Variants in SORCS3 observed in about 807,000 individuals in gnomAD.
The protein encoded by SORCS3 is VPS10 domain-containing receptor SorCS3.
Under a neutral mutation model 146.3 loss-of-function variants are expected in SORCS3, and 57 were observed. The ratio of observed to expected loss-of-function variants is 0.39; its 90% CI spans 0.31 to 0.49. The LOEUF is 0.49. Among genes scored for constraint, SORCS3 ranks in the 20% least tolerant of loss-of-function variants. The probability of loss-of-function intolerance (pLI) is 0.92; values close to 1 mark genes in which losing one functional copy is unlikely to be tolerated. For missense variants in SORCS3, 1,341 were observed against 1,575.5 expected (o/e 0.85, Z 2.52); for synonymous variants, 653 against 618.5 (o/e 1.06, Z -0.83).
intron 2 of SORCS3, among the ~76,000 whole-genome samples, chr10:104,892,509 G>A (rs1053376137): frequency 2.0e-5 from 3 of 152,110 alleles, no homozygotes; most frequent in Admixed American, 6.5e-5. Context: ...ATCACCTGAG[G>A]TCAGGAGTTG....
chr10:104,826,588 A>G (rs1751741485), intron 1 of SORCS3, among the ~76,000 whole-genome samples: 1 of 152,244 alleles, frequency 6.6e-6, no homozygotes, highest in African/African-American at 2.4e-5. Context: ...TAAAAATACT[A>G]ATGATTACCC....
rs71482443 is a variant in SORCS3 at position 105,016,155 on chromosome 10, A to ATATTTT, written c.955-26899_955-26898insATTTTT. ...TATAAATATATATATATATATATAT[A>ATATTTT]TTTTTTTTTTTTTTTGAGATGGAGT... On this transcript the variant is annotated intron_variant, in intron 4 of 26. Coordinates refer to ENST00000369701, the MANE Select transcript of SORCS3 (RefSeq NM_014978.3). Among the ~76,000 whole-genome samples the ATATTTT allele has an allele frequency of 2.2e-3, 221 of 101,316 alleles. 4 individuals are homozygous for ATATTTT. The highest frequency in any genetic ancestry group is 7.8e-3 in the South Asian group (23 of 2,958). 66.5% of individuals were successfully genotyped at this position (101,316 alleles called of 152,430 possible).
chr10:104,806,739 T>C lies in SORCS3; in HGVS notation c.628-36053T>C, dbSNP rs367562314. The stretch of plus-strand genomic sequence containing the variant: ...AATGGTATATGTACTTGATCCTAAC[T>C]CTGTACAAAGGTCTACATTTTGTCC... On this transcript the variant is annotated intron_variant, in intron 1 of 26. Transcript: ENST00000369701. Among the ~76,000 whole-genome samples the C allele has an allele frequency of 1.1e-4, 16 of 152,348 alleles. No homozygotes were observed. In the East Asian group the frequency reaches 2.3e-3, roughly 22 times the overall value.
At chr10:104,697,858 C>A (rs2016234886) in intron 1 of SORCS3, among the ~76,000 whole-genome samples, 1 of 152,134 alleles carries the variant, frequency 6.6e-6, no homozygotes, top group Non-Finnish European at 1.5e-5. Flanking sequence ...GATCCACAGA[C>A]CCATTAATGC....
intron 3 of SORCS3, among the ~76,000 whole-genome samples, chr10:104,953,764 T>C (rs2019458566): frequency 6.6e-6 from 1 of 152,214 alleles, no homozygotes; most frequent in Non-Finnish European, 1.5e-5. Context: ...ACATCTACAA[T>C]GTACCAGACA....
intron 1 of SORCS3, among the ~76,000 whole-genome samples, chr10:104,831,747 C>T (rs555120726): frequency 2.6e-5 from 4 of 152,282 alleles, no homozygotes; most frequent in Admixed American, 1.3e-4. Flanking sequence ...TTCAAAAGAC[C>T]AGTGTAGGTT....
At chr10:105,180,671 A>T (rs779542924) in intron 14 of SORCS3, among the ~76,000 whole-genome samples, 4 of 152,140 alleles carry the variant, frequency 2.6e-5, no homozygotes, top group Non-Finnish European at 5.9e-5. Context: ...ATGGCCTACA[A>T]GTATCTATAT....
intron 5 of SORCS3, among the ~76,000 whole-genome samples, chr10:105,051,528 A>G (rs1364022681): frequency 1.3e-5 from 2 of 152,110 alleles, no homozygotes; most frequent in Non-Finnish European, 2.9e-5. Flanking sequence ...CTCAGCTGCC[A>G]AGTCATTTTT....
intron 3 of SORCS3, among the ~76,000 whole-genome samples, chr10:104,975,008 A>G (rs2054886330): frequency 6.6e-6 from 1 of 152,146 alleles, no homozygotes; most frequent in South Asian, 2.1e-4. Context: ...TTCTTTAAGA[A>G]TGTCAAATAT....
At chr10:104,945,954 C>A (rs1009549354) in intron 3 of SORCS3, among the ~76,000 whole-genome samples, 4 of 152,056 alleles carry the variant, frequency 2.6e-5, no homozygotes, top group South Asian at 4.1e-4. Context: ...AGCTGGCACC[C>A]TGGCTTCAGG....
At chr10:105,096,281 C>T (rs779701966) in intron 6 of SORCS3, among the ~76,000 whole-genome samples, 6 of 152,150 alleles carry the variant, frequency 3.9e-5, no homozygotes, top group South Asian at 4.1e-4. Context: ...TGAGAACCAA[C>T]GCACTAGATC....
At chr10:104,927,816 T>G (rs2019164093) in intron 3 of SORCS3, among the ~76,000 whole-genome samples, 1 of 150,696 alleles carries the variant, frequency 6.6e-6, no homozygotes, top group African/African-American at 2.5e-5. Context: ...AGGTGGAGGT[T>G]GTGGTGAGCC....
In SORCS3 at chr10:104,842,775, TC is replaced by T; in HGVS notation, c.628-13del. On this transcript the variant is annotated splice_polypyrimidine_tract_variant and intron_variant, in intron 1 of 26. Transcript: ENST00000369701. ...CCTTTGTTCCTCTCCTTTGCCCTTA[TC>T]CCCAACCCCTTGCAGGTCATACTTA... 6.2e-7 allele frequency: 1 copy of T among 1,611,212 alleles called. No homozygotes were observed. The highest frequency in any genetic ancestry group is 8.5e-7 in the Non-Finnish European group (1 of 1,177,604).
rs143375496 is a variant in SORCS3 at position 105,247,310 on chromosome 10, C to T, written c.3084C>T (p.Val1028=). ...IPEWRKDIGN[V]IKRALVKVTS... Reference sequence around the variant, plus strand: ...AGTGGAGAAAAGATATTGGCAATGTCATCAAGCGAGCTCTGGTTAAAGTAA... The same window carrying T: ...AGTGGAGAAAAGATATTGGCAATGTTATCAAGCGAGCTCTGGTTAAAGTAA... Residue 1028 remains valine (V), a synonymous_variant, in exon 22 of 27, where the codon GTC becomes GTT. Transcript: ENST00000369701. The T allele has an allele frequency of 5.8e-4, 927 of 1,608,258 alleles. No individual in the cohort carries two copies. Among genetic ancestry groups the T allele is most frequent in the Non-Finnish European group, 7.2e-4 (850 of 1,174,964 alleles).
intron 8 of SORCS3, among the ~76,000 whole-genome samples, chr10:105,140,703 C>T (rs540854467): frequency 2.0e-5 from 3 of 152,300 alleles, no homozygotes; most frequent in Non-Finnish European, 4.4e-5. Context: ...CAGCACCGTT[C>T]ATTCAACAAA....
At chr10:104,903,757 A>G (rs961127646) in intron 2 of SORCS3, among the ~76,000 whole-genome samples, 24 of 152,152 alleles carry the variant, frequency 1.6e-4, no homozygotes, top group Non-Finnish European at 1.0e-4. Context: ...TTATTTTCTT[A>G]TGAGTGTACA....
At chr10:105,240,907 AT>A (rs1055527469) in intron 20 of SORCS3, among the ~76,000 whole-genome samples, 6 of 146,744 alleles carry the variant, frequency 4.1e-5, no homozygotes, top group Non-Finnish European at 8.9e-5. Flanking sequence ...ATCCATACTG[AT>A]TATATACACA....
intron 1 of SORCS3, among the ~76,000 whole-genome samples, chr10:104,824,899 G>C (rs1181221829): frequency 6.6e-6 from 1 of 152,156 alleles, no homozygotes; most frequent in Non-Finnish European, 1.5e-5. Context: ...CTGCAGGCAG[G>C]ATCAGCAGAG....
chr10:105,129,631 G>T (rs2056003405), intron 7 of SORCS3, among the ~76,000 whole-genome samples: 1 of 150,146 alleles, frequency 6.7e-6, no homozygotes, highest in South Asian at 2.1e-4. Context: ...TTGTATTTCT[G>T]CCCTTATCTT....
Sources: allele counts gnomAD v4.1 joint callset (sites outside exome capture counted in the v4.1 genomes callset), GRCh38; gene constraint gnomAD v4.1.1; transcripts MANE v1.5; gene names NCBI Gene and HGNC (gene_info 2026-07-23, HGNC 2026-07-21).